EXOC4: variants seen among roughly 807,000 people sequenced by gnomAD.
EXOC4 encodes the protein SEC8-like 1.
EXOC4 carries 71 observed loss-of-function variants against 107.2 expected under a neutral mutation model. The observed-to-expected ratio is 0.66, with a 90% CI of 0.55 to 0.81. EXOC4 has a LOEUF of 0.81. Ranked by LOEUF, EXOC4 falls within the 30% of genes least tolerant of loss-of-function variation. EXOC4 has a pLI of 0.00. For missense variants in EXOC4, 1,108 were observed against 1,189.6 expected, an observed-to-expected ratio of 0.93 and a Z score of 1.01; for synonymous variants, 456 against 441.2, an observed-to-expected ratio of 1.03 and a Z score of -0.42.
chr7:133,563,566 C>G (rs1255462092), intron 9 of EXOC4, among the ~76,000 whole-genome samples: 1 of 152,058 alleles, frequency 6.6e-6, no homozygotes, highest in African/African-American at 2.4e-5. Flanking sequence ...GCCTTTTCCT[C>G]CAAGCACCTG....
intron 14 of EXOC4, among the ~76,000 whole-genome samples, chr7:133,967,129 T>A (rs1801089600): frequency 6.6e-6 from 1 of 152,234 alleles, no homozygotes; most frequent in Non-Finnish European, 1.5e-5. Flanking sequence ...GTTTATAGTA[T>A]TCTTTGATGG....
chr7:133,554,023 T>C (rs1431679064), intron 9 of EXOC4, among the ~76,000 whole-genome samples: 1 of 152,124 alleles, frequency 6.6e-6, no homozygotes, highest in East Asian at 1.9e-4. Flanking sequence ...TTTAGGGGAA[T>C]GAAGAGGTGA....
intron 10 of EXOC4, among the ~76,000 whole-genome samples, chr7:133,715,002 T>C (rs942878219): frequency 3.3e-5 from 5 of 152,282 alleles, no homozygotes; most frequent in East Asian, 1.9e-4. Flanking sequence ...CCTGATTCCA[T>C]TAATATTTCT....
intron 6 of EXOC4, among the ~76,000 whole-genome samples, chr7:133,372,704 G>T (rs990414230): frequency 9.9e-5 from 15 of 152,184 alleles, no homozygotes; most frequent in African/African-American, 3.4e-4. Context: ...AAACTTTGCT[G>T]CTGGTTCACA....
At chr7:133,996,509 T>C (rs976172569) in intron 14 of EXOC4, among the ~76,000 whole-genome samples, 2 of 152,170 alleles carry the variant, frequency 1.3e-5, no homozygotes, top group African/African-American at 4.8e-5. Flanking sequence ...AGAAAATGTC[T>C]AAGTGGTGCT....
chr7:133,673,133 C>T (rs1468749112), intron 10 of EXOC4, among the ~76,000 whole-genome samples: 1 of 152,106 alleles, frequency 6.6e-6, no homozygotes, highest in African/African-American at 2.4e-5. Flanking sequence ...CTCAGTATTT[C>T]TTATTTCAGC....
the EXOC4 span, among the ~76,000 whole-genome samples, chr7:134,090,884 G>A: frequency 2.6e-5 from 4 of 151,936 alleles, no homozygotes; most frequent in African/African-American, 7.3e-5. Context: ...GGACTTTACC[G>A]AGAGGGGCCT....
At chr7:133,331,028 C>T (rs1369785261) in intron 5 of EXOC4, among the ~76,000 whole-genome samples, 1 of 151,700 alleles carries the variant, frequency 6.6e-6, no homozygotes, top group Non-Finnish European at 1.5e-5. Context: ...GTAGTTAGGG[C>T]AGGTACTATG....
intron 9 of EXOC4, among the ~76,000 whole-genome samples, chr7:133,507,519 C>T (rs1471616559): frequency 6.6e-6 from 1 of 152,148 alleles, no homozygotes; most frequent in East Asian, 1.9e-4. Context: ...GAATCTCAGT[C>T]TGTTGAGATG....
At chr7:133,435,731 G>A in intron 7 of EXOC4, among the ~76,000 whole-genome samples, 1 of 151,898 alleles carries the variant, frequency 6.6e-6, no homozygotes, top group East Asian at 1.9e-4. Flanking sequence ...CTGTATTTGT[G>A]TTACTTAAGT....
intron 10 of EXOC4, among the ~76,000 whole-genome samples, chr7:133,666,575 CAGTTTA>C (rs1346547361): frequency 6.6e-6 from 1 of 152,124 alleles, no homozygotes; most frequent in East Asian, 1.9e-4. Flanking sequence ...TACTTTAATG[CAGTTTA>C]TAAGCAACTA....
intron 1 of EXOC4, among the ~76,000 whole-genome samples, chr7:133,259,360 G>C (rs1451700949): frequency 4.6e-5 from 7 of 151,558 alleles, no homozygotes; most frequent in African/African-American, 1.7e-4. Flanking sequence ...AGCCTCCTGA[G>C]TAGCTGGGAT....
chr7:133,705,990 G>T (rs117193895), intron 10 of EXOC4, among the ~76,000 whole-genome samples: 1 of 152,180 alleles, frequency 6.6e-6, no homozygotes, highest in Admixed American at 6.5e-5. Context: ...ATTAAACTTC[G>T]TTTCTACTAG....
intron 17 of EXOC4, among the ~76,000 whole-genome samples, chr7:134,064,064 C>T (rs545705710): frequency 6.6e-6 from 1 of 152,218 alleles, no homozygotes; most frequent in South Asian, 2.1e-4. Context: ...ATGCGGCCTC[C>T]CTGGGTCCTC....
chr7:133,339,354 T>C (rs1795605539), intron 5 of EXOC4, among the ~76,000 whole-genome samples: 2 of 152,224 alleles, frequency 1.3e-5, no homozygotes, highest in South Asian at 4.1e-4. Context: ...TCTAGTCTGT[T>C]CCATTGGTCA....
chr7:133,827,219 C>T (rs1028231940), intron 11 of EXOC4, among the ~76,000 whole-genome samples: 3 of 152,110 alleles, frequency 2.0e-5, no homozygotes, highest in African/African-American at 7.2e-5. Flanking sequence ...AGGAACTTGT[C>T]CTCGTAACTG....
chr7:133,398,851 G>T (rs1797028056), intron 7 of EXOC4, among the ~76,000 whole-genome samples: 1 of 152,040 alleles, frequency 6.6e-6, no homozygotes, highest in African/African-American at 2.4e-5. Flanking sequence ...ATGCTCTCTG[G>T]CTTAGTTAGT....
chr7:133,946,682 G>A (rs886227447), intron 14 of EXOC4, among the ~76,000 whole-genome samples: 2 of 152,196 alleles, frequency 1.3e-5, no homozygotes, highest in African/African-American at 4.8e-5. Context: ...GTTATTACTA[G>A]GAATGGAGAT....
chr7:133,954,485 T>C lies in EXOC4; in HGVS notation c.2206+16416T>C, dbSNP rs560190676. 1.6e-3 allele frequency among the ~76,000 whole-genome samples: 238 copies of C among 152,132 alleles called. 1 individual carries two copies. The highest frequency in any genetic ancestry group is 2.9e-3 in the Non-Finnish European group (195 of 68,032). On this transcript the variant is annotated intron_variant, in intron 14 of 17. Coordinates refer to ENST00000253861, the MANE Select transcript of EXOC4 (RefSeq NM_021807.4). ...TTTTCTGGTTATATTTTTAAACTTA[T>C]ATAATGTATTAGTACCAGTATATAT...
Sources: allele counts gnomAD v4.1 joint callset (sites outside exome capture counted in the v4.1 genomes callset), GRCh38; gene constraint gnomAD v4.1.1; transcripts MANE v1.5; gene names NCBI Gene and HGNC (gene_info 2026-07-23, HGNC 2026-07-21).